EYS: variants seen among roughly 807,000 people sequenced by gnomAD.
EYS encodes EGF-like photoreceptor maintenance factor.
A neutral mutation model predicts 282.1 loss-of-function variants in EYS; 250 were observed. That is an observed-to-expected ratio of 0.89 (90% CI 0.80 to 0.98). EYS has a LOEUF of 0.98. Among genes scored for constraint, EYS ranks in the 50% least tolerant of loss-of-function variants. The probability of loss-of-function intolerance (pLI) is 0.00; values close to 1 mark genes in which losing one functional copy is unlikely to be tolerated. For missense variants in EYS, 4,016 were observed against 3,709.0 expected, an observed-to-expected ratio of 1.08 and a Z score of -2.15; for synonymous variants, 1,355 against 1,282.9, an observed-to-expected ratio of 1.06 and a Z score of -1.20.
chr6:64,519,798 C>T (rs1777674304), intron 26 of EYS, among the ~76,000 whole-genome samples: 2 of 151,780 alleles, frequency 1.3e-5, no homozygotes. Flanking sequence ...GTTCCATCCC[C>T]ATAGCAAACC....
At chr6:65,432,830 T>C (rs1582284021) in intron 5 of EYS, among the ~76,000 whole-genome samples, 1 of 152,114 alleles carries the variant, frequency 6.6e-6, no homozygotes, top group African/African-American at 2.4e-5. Context: ...AGTGGTCAGA[T>C]TTTAAATGTA....
chr6:64,349,125 A>T (rs1177015468), intron 29 of EYS, among the ~76,000 whole-genome samples: 1 of 151,456 alleles, frequency 6.6e-6, no homozygotes, highest in Non-Finnish European at 1.5e-5. Context: ...AATTATTGGA[A>T]TATACGCTCA....
chr6:64,188,944 G>T (rs1765025429), intron 31 of EYS, among the ~76,000 whole-genome samples: 1 of 152,036 alleles, frequency 6.6e-6, no homozygotes, highest in Non-Finnish European at 1.5e-5. Flanking sequence ...TAAAGACCTA[G>T]AAATACCTTG....
Position 64,250,797 on chromosome 6 carries a change from T to TC in EYS, c.6192-19974dup, listed in dbSNP as rs1209945601. Among the ~76,000 whole-genome samples, 7 of 152,192 alleles carry TC rather than the reference T, an allele frequency of 4.6e-5. No homozygotes were observed. In the South Asian group the frequency reaches 8.3e-4, roughly 18 times the overall value. On this transcript the variant is annotated intron_variant, in intron 30 of 42. Transcript: ENST00000503581. ...AATCACATAGGGCCCTCTATTAATT[T>TC]CCATGTGAGTTCTAAGGAAAGAACC...
intron 5 of EYS, among the ~76,000 whole-genome samples, chr6:65,469,261 A>C (rs1320424356): frequency 1.3e-5 from 2 of 152,026 alleles, no homozygotes; most frequent in Non-Finnish European, 2.9e-5. Context: ...TAATCATGAA[A>C]TTGGAAGAAG....
At chr6:64,504,210 A>C (rs1466341329) in intron 26 of EYS, among the ~76,000 whole-genome samples, 1 of 152,214 alleles carries the variant, frequency 6.6e-6, no homozygotes, top group African/African-American at 2.4e-5. Flanking sequence ...GAAATGGTAC[A>C]TTCTTGAAAT....
rs149762769 is a variant in EYS at position 64,777,597 on chromosome 6, C to T, written c.3443+35781G>A. Among the ~76,000 whole-genome samples, 265 of 152,228 alleles carry T rather than the reference C, an allele frequency of 1.7e-3. 1 individual carries two copies. In the East Asian group the frequency reaches 0.025, roughly 14 times the overall value. ...ATTGATTAGTTTCCTAATGAGATCA[C>T]AGCAAAGTTGTTACTTCTAAATAAA... On this transcript the variant is annotated intron_variant, in intron 22 of 42. Transcript: ENST00000503581.
At chr6:63,852,630 T>G (rs1772288809) in intron 36 of EYS, among the ~76,000 whole-genome samples, 1 of 152,108 alleles carries the variant, frequency 6.6e-6, no homozygotes, top group Non-Finnish European at 1.5e-5. Flanking sequence ...TAACACATTT[T>G]ATGAGGCTAG....
At chr6:65,274,385 T>C (rs1767986333) in intron 12 of EYS, among the ~76,000 whole-genome samples, 1 of 152,212 alleles carries the variant, frequency 6.6e-6, no homozygotes. Flanking sequence ...GACAGTGGAT[T>C]ATCAAAATCT....
chr6:63,906,603 C>T (rs931439715), intron 35 of EYS, among the ~76,000 whole-genome samples: 3 of 152,124 alleles, frequency 2.0e-5, no homozygotes, highest in Non-Finnish European at 4.4e-5. Context: ...TTACTGAACG[C>T]TTTTGAAAAG....
chr6:63,796,696 C>T lies in EYS; in HGVS notation c.7412-7472G>A, dbSNP rs965895106. ...GTCCCAAGTAGTACAAGGACATGAG[C>T]GTGTAATCTTGGACATTTTGCTAAT... On this transcript the variant is annotated intron_variant, in intron 37 of 42. Transcript: ENST00000503581. Among the ~76,000 whole-genome samples, 9 of 152,080 alleles carry T rather than the reference C, an allele frequency of 5.9e-5. No individual in the cohort carries two copies. The South Asian group carries it at 6.2e-4, about 11-fold the overall frequency.
chr6:64,169,915 G>A (rs1370914563), intron 31 of EYS, among the ~76,000 whole-genome samples: 1 of 152,144 alleles, frequency 6.6e-6, no homozygotes, highest in Non-Finnish European at 1.5e-5. Context: ...GAAGTATAAT[G>A]CAGAAGCTGA....
At chr6:65,355,393 C>T (rs1292817691) in intron 8 of EYS, among the ~76,000 whole-genome samples, 22 of 95,086 alleles carry the variant, frequency 2.3e-4, no homozygotes, top group African/African-American at 9.0e-4. Flanking sequence ...AGAATATCCT[C>T]TTCTGGACAC....
intron 1 of EYS, among the ~76,000 whole-genome samples, chr6:65,684,052 T>C (rs1020627870): frequency 6.6e-6 from 1 of 152,066 alleles, no homozygotes; most frequent in Non-Finnish European, 1.5e-5. Context: ...TGTAGATTAA[T>C]ATTCATTGCC....
intron 14 of EYS, among the ~76,000 whole-genome samples, chr6:64,989,337 G>T (rs1770969448): frequency 7.2e-6 from 1 of 139,220 alleles, no homozygotes; most frequent in Non-Finnish European, 1.5e-5. Flanking sequence ...TTCTCTATCA[G>T]TTCAAATCAA....
At chr6:65,075,515 G>A (rs1033732449) in intron 12 of EYS, among the ~76,000 whole-genome samples, 1 of 151,908 alleles carries the variant, frequency 6.6e-6, no homozygotes, top group African/African-American at 2.4e-5. Flanking sequence ...TTTAAAGGAA[G>A]AGCCAGAAAC....
At chr6:64,227,979 A>G (rs1365705389) in intron 31 of EYS, among the ~76,000 whole-genome samples, 2 of 152,132 alleles carry the variant, frequency 1.3e-5, no homozygotes, top group Admixed American at 1.3e-4. Context: ...TATAATAATT[A>G]TTGAAATTTA....
At chr6:64,161,994 A>G (rs1324346249) in intron 31 of EYS, among the ~76,000 whole-genome samples, 2 of 152,132 alleles carry the variant, frequency 1.3e-5, no homozygotes, top group Non-Finnish European at 2.9e-5. Flanking sequence ...AATTTCCAGA[A>G]GATGTTGATA....
At chr6:64,793,399 G>A (rs1408723707) in intron 22 of EYS, among the ~76,000 whole-genome samples, 1 of 152,116 alleles carries the variant, frequency 6.6e-6, no homozygotes, top group Non-Finnish European at 1.5e-5. Flanking sequence ...ATACTGGGCA[G>A]TCTTTAGGAA....
Sources: gnomAD v4.1 joint callset for allele counts (sites outside exome capture counted in the v4.1 genomes callset) on GRCh38, gnomAD v4.1.1 for gene constraint, MANE v1.5 for transcripts, NCBI Gene and HGNC (gene_info 2026-07-23, HGNC 2026-07-21) for gene names.